Variants in TJP1 observed in about 807,000 individuals in gnomAD.
TJP1 encodes the protein tight junction protein 1.
TJP1 carries 43 observed loss-of-function variants against 194.2 expected under a neutral mutation model. That is an observed-to-expected ratio of 0.22 (90% CI 0.17 to 0.29). The LOEUF (loss-of-function observed/expected upper bound fraction) is 0.29, where lower values mean the gene tolerates loss of function less well. Among genes scored for constraint, TJP1 ranks in the 10% least tolerant of loss-of-function variants. TJP1 has a pLI of 1.00. For synonymous variants in TJP1, 801 were observed against 779.0 expected (o/e 1.03, Z -0.47); for missense variants, 1,971 against 2,185.7 (o/e 0.90, Z 1.96).
intron 2 of TJP1, among the ~76,000 whole-genome samples, chr15:29,900,323 G>A (rs1327434518): frequency 6.6e-6 from 1 of 152,160 alleles, no homozygotes; most frequent in African/African-American, 2.4e-5. Context: ...AGATGAAAGG[G>A]CAAGCCAAGT....
chr15:29,772,275 A>G (rs2046740180), intron 3 of TJP1, 109 bp from the exon 4 acceptor site: 2 of 618,138 alleles, frequency 3.2e-6, no homozygotes, highest in East Asian at 3.2e-5. Context: ...TTATGAGCCA[A>G]TTAATTAATT....
chr15:29,769,391 C>A (rs757467732), intron 4 of TJP1, among the ~76,000 whole-genome samples: 16 of 152,190 alleles, frequency 1.1e-4, no homozygotes, highest in Non-Finnish European at 2.1e-4. Flanking sequence ...GCAATACATA[C>A]ATCAAAAGTC....
chr15:29,773,087 G>C, intron 3 of TJP1, 146 bp downstream of exon 3: 1 of 971,742 alleles, frequency 1.0e-6, no homozygotes, highest in Non-Finnish European at 1.4e-6. Flanking sequence ...CTTAATATAT[G>C]TTAATTTAAG....
intron 2 of TJP1, among the ~76,000 whole-genome samples, chr15:29,903,645 T>C (rs1175494739): frequency 6.6e-6 from 1 of 152,056 alleles, no homozygotes; most frequent in Non-Finnish European, 1.5e-5. Context: ...GGGGTTTCGC[T>C]GTGTTAGCCA....
chr15:29,723,236 T>C (rs1183954777), intron 18 of TJP1, among the ~76,000 whole-genome samples: 1 of 152,160 alleles, frequency 6.6e-6, no homozygotes, highest in East Asian at 1.9e-4. Flanking sequence ...CCCACCCACA[T>C]CTCATGTTGA....
intron 2 of TJP1, among the ~76,000 whole-genome samples, chr15:29,891,846 C>T (rs1042254708): frequency 3.3e-5 from 5 of 152,130 alleles, no homozygotes; most frequent in African/African-American, 1.2e-4. Flanking sequence ...TGAGATACAA[C>T]ATTATTGAAA....
At chr15:29,719,184 C>G in intron 20 of TJP1, 46 bp from the exon 21 acceptor site, 1 of 1,510,004 alleles carries the variant, frequency 6.6e-7, no homozygotes, top group South Asian at 1.3e-5. Flanking sequence ...GTTTCTAATT[C>G]TAGTCTATTT....
intron 8 of TJP1, among the ~76,000 whole-genome samples, chr15:29,750,293 A>G (rs990165073): frequency 2.0e-5 from 3 of 151,718 alleles, no homozygotes; most frequent in Non-Finnish European, 4.4e-5. Context: ...GTGAGCCACC[A>G]CGCCCGGCCT....
At position 29,807,029 on chromosome 15, in the gene TJP1, T is replaced by C. The variant is rs1359605655; in HGVS notation, c.28-6327A>G. Among the ~76,000 whole-genome samples the C allele has an allele frequency of 1.8e-4, 28 of 152,234 alleles. 1 individual carries two copies. The highest frequency in any genetic ancestry group is 1.5e-5 in the Non-Finnish European group (1 of 68,006). On this transcript the variant is annotated intron_variant, in intron 1 of 27. Coordinates refer to ENST00000614355, the MANE Select transcript of TJP1 (RefSeq NM_001330239.4). ...GATCAAAATAAGAAGGCAGCAACCA[T>C]AGGATAAAAGTCTCAATAGAAATTT... is the stretch of plus-strand genomic sequence containing the variant.
chr15:29,935,772 T>A (rs1048521009), intron 2 of TJP1, among the ~76,000 whole-genome samples: 7 of 152,090 alleles, frequency 4.6e-5, no homozygotes, highest in Non-Finnish European at 7.4e-5. Context: ...TCCTGGGCCA[T>A]CATTTCAATC....
At chr15:29,801,154 T>A (rs113948176) in intron 1 of TJP1, among the ~76,000 whole-genome samples, 14 of 152,318 alleles carry the variant, frequency 9.2e-5, no homozygotes, top group African/African-American at 3.4e-4. Context: ...AAACCATTAA[T>A]AGGTTTGGCA....
chr15:29,854,898 G>A lies in TJP1; in HGVS notation c.307-54196C>T, dbSNP rs1163533268. Among the ~76,000 whole-genome samples, 6 of 151,228 alleles carry A rather than the reference G, an allele frequency of 4.0e-5. No homozygotes were observed. In the East Asian group the frequency reaches 7.8e-4, roughly 20 times the overall value. On this transcript the variant is annotated intron_variant, in intron 2 of 28. Coordinates refer to the TJP1 transcript ENST00000356107. The stretch of plus-strand genomic sequence containing the variant: ...CAAATAGAAAGCTATCATTGAGGAG[G>A]GGAAAAAAAAAGGTTAGAAACAACT...
At chr15:29,966,626 TG>T (rs1434910190) in intron 1 of TJP1, among the ~76,000 whole-genome samples, 7 of 151,482 alleles carry the variant, frequency 4.6e-5, no homozygotes, top group Non-Finnish European at 8.8e-5. Context: ...AAATATTTAT[TG>T]AGAAGCTTTC....
intron 2 of TJP1, among the ~76,000 whole-genome samples, chr15:29,831,951 T>C (rs1372792276): frequency 6.6e-6 from 1 of 152,188 alleles, no homozygotes; most frequent in African/African-American, 2.4e-5. Flanking sequence ...TGTTTAAATG[T>C]TGGTGTACAT....
At chr15:29,899,913 G>A (rs2053586331) in intron 2 of TJP1, among the ~76,000 whole-genome samples, 1 of 152,198 alleles carries the variant, frequency 6.6e-6, no homozygotes, top group Admixed American at 6.5e-5. Flanking sequence ...TATAGGTACT[G>A]AGGATACAGC....
intron 2 of TJP1, among the ~76,000 whole-genome samples, chr15:29,831,355 G>T (rs1054701143): frequency 1.3e-5 from 2 of 152,158 alleles, no homozygotes; most frequent in South Asian, 4.1e-4. Context: ...GGCAAGACAA[G>T]CAAACATTTA....
At chr15:29,928,920 C>A (rs574398566) in intron 2 of TJP1, among the ~76,000 whole-genome samples, 1 of 151,084 alleles carries the variant, frequency 6.6e-6, no homozygotes. Flanking sequence ...CCAGCCTGGG[C>A]GACAGAATGA....
rs879744972 is a variant in TJP1, at chr15:29,903,451, C to CT, written c.306+52780dup. On this transcript the variant is annotated intron_variant, in intron 2 of 28. Coordinates refer to the TJP1 transcript ENST00000356107. ...GTTCAATCTTACCGAGTTTCAGAAT[C>CT]TTTTTTTTTTTGAGATGGAGTCTCG... is the stretch of plus-strand genomic sequence containing the variant. 3.0e-3 allele frequency among the ~76,000 whole-genome samples: 437 copies of CT among 146,912 alleles called. 3 individuals carry two copies. Among genetic ancestry groups the CT allele is most frequent in the African/African-American group, 9.8e-3 (393 of 40,302 alleles).
At chr15:29,732,968 C>A in intron 13 of TJP1, 126 bp downstream of exon 13, 1 of 1,261,862 alleles carries the variant, frequency 7.9e-7, no homozygotes, top group South Asian at 1.5e-5. Flanking sequence ...AAACCTAAGT[C>A]AGTTATAGAT....
Sources: gnomAD v4.1 joint callset for allele counts (sites outside exome capture counted in the v4.1 genomes callset) on GRCh38, gnomAD v4.1.1 for gene constraint, MANE v1.5 for transcripts, NCBI Gene and HGNC (gene_info 2026-07-23, HGNC 2026-07-21) for gene names.